Variants in KPNA1 observed in about 807,000 individuals in gnomAD.
KPNA1 encodes the protein karyopherin subunit alpha 1.
In KPNA1, 10 loss-of-function variants were observed where a neutral mutation model predicts 70.5. The ratio of observed to expected loss-of-function variants is 0.14; its 90% confidence interval spans 0.09 to 0.24. The LOEUF (loss-of-function observed/expected upper bound fraction) is 0.24. KPNA1 is among the 10% of genes least tolerant of loss of function. KPNA1 has a pLI of 1.00. For synonymous variants in KPNA1, 192 were observed against 221.9 expected (o/e 0.87, Z 1.20); for missense variants, 397 against 637.9 (o/e 0.62, Z 4.07).
At chr3:122,459,263 C>G (rs966747478) in intron 5 of KPNA1, among the ~76,000 whole-genome samples, 1 of 152,102 alleles carries the variant, frequency 6.6e-6, no homozygotes, top group Non-Finnish European at 1.5e-5. Context: ...ATTTCTCCGA[C>G]TTTTTTCATT....
intron 9 of KPNA1, 60 bp from the exon 10 acceptor site, chr3:122,442,176 C>T: frequency 7.3e-7 from 1 of 1,368,114 alleles, no homozygotes; most frequent in Non-Finnish European, 1.0e-6. Flanking sequence ...CATTTCCTTC[C>T]AAGACCAAAA....
chr3:122,449,476 C>T, intron 9 of KPNA1, 98 bp downstream of exon 9: 1 of 960,844 alleles, frequency 1.0e-6, no homozygotes, highest in Non-Finnish European at 1.5e-6. Context: ...CACAATAAAT[C>T]AATTATCATG....
At chr3:122,431,293 G>A (rs989548375) in intron 12 of KPNA1, among the ~76,000 whole-genome samples, 3 of 152,106 alleles carry the variant, frequency 2.0e-5, no homozygotes, top group African/African-American at 7.2e-5. Context: ...AGCCTCCCAA[G>A]TAGCTGGAAC....
At chr3:122,464,111 A>G (rs1275434513) in intron 3 of KPNA1, 70 bp from the exon 4 acceptor site, 4 of 755,078 alleles carry the variant, frequency 5.3e-6, no homozygotes, top group South Asian at 4.9e-5. Flanking sequence ...AAGATAACAG[A>G]TATCATGGCC....
chr3:122,487,732 T>A (rs1169544313), intron 2 of KPNA1, among the ~76,000 whole-genome samples: 2 of 152,190 alleles, frequency 1.3e-5, no homozygotes, highest in Non-Finnish European at 2.9e-5. Flanking sequence ...GAAAGTAGAA[T>A]GCCAGTTATC....
chr3:122,483,762 A>G (rs2107483403), intron 2 of KPNA1, among the ~76,000 whole-genome samples: 1 of 152,312 alleles, frequency 6.6e-6, no homozygotes, highest in Non-Finnish European at 1.5e-5. Flanking sequence ...TGCTTTTCTT[A>G]AGAGGTGAAA....
At chr3:122,464,308 GC>G in intron 3 of KPNA1, 1 of 314,208 alleles carries the variant, frequency 3.2e-6, no homozygotes, top group East Asian at 5.1e-5. Context: ...TCCCCTCCTT[GC>G]TCATCACATA....
At chr3:122,444,473 A>C (rs2076108912) in intron 9 of KPNA1, among the ~76,000 whole-genome samples, 1 of 152,214 alleles carries the variant, frequency 6.6e-6, no homozygotes, top group Non-Finnish European at 1.5e-5. Flanking sequence ...CAGAGACTGC[A>C]GTAGACACGC....
At chr3:122,447,326 G>A (rs925130762) in intron 9 of KPNA1, among the ~76,000 whole-genome samples, 13 of 152,152 alleles carry the variant, frequency 8.5e-5, no homozygotes, top group African/African-American at 2.9e-4. Flanking sequence ...TATCCACCAC[G>A]ATCAAGTCGG....
rs757888671 is a variant in KPNA1 at position 122,427,732 on chromosome 3, A to G, written c.1251-16T>C. On this transcript the variant is annotated splice_polypyrimidine_tract_variant and intron_variant, in intron 12 of 13. Transcript: ENST00000344337. ...TACTAGGTACCTAAATACAAAGAATAATGTAGTCAAACAAAACTTTTAATT... is the reference window on the plus strand; with the variant it reads ...TACTAGGTACCTAAATACAAAGAATGATGTAGTCAAACAAAACTTTTAATT... The G allele has an allele frequency of 2.0e-6, 3 of 1,497,846 alleles. No homozygotes were observed. The highest frequency in any genetic ancestry group is 2.8e-5 in the African/African-American group (2 of 71,320). 92.8% of individuals were successfully genotyped at this position (1,497,846 alleles called of 1,614,324 possible).
Position 122,438,547 on chromosome 3 carries a change from C to T in KPNA1, c.997-1252G>A, listed in dbSNP as rs147246250. On this transcript the variant is annotated intron_variant, in intron 10 of 13. Coordinates refer to ENST00000344337, the MANE Select transcript of KPNA1 (RefSeq NM_002264.4). ...GATTACAGGCATGCGCCACCACGCC[C>T]GGCTAATTTTGTATTTTTAGTAGAG... Among the ~76,000 whole-genome samples the T allele has an allele frequency of 1.2e-3, 185 of 152,008 alleles. 1 individual carries two copies. Among genetic ancestry groups the T allele is most frequent in the African/African-American group, 4.2e-3 (173 of 41,466 alleles).
intron 9 of KPNA1, among the ~76,000 whole-genome samples, chr3:122,445,892 CTT>C (rs944059578): frequency 6.6e-6 from 1 of 152,076 alleles, no homozygotes; most frequent in African/African-American, 2.4e-5. Flanking sequence ...ATAAAACAAA[CTT>C]TAAACCAACA....
intron 9 of KPNA1, among the ~76,000 whole-genome samples, chr3:122,447,754 G>A (rs896369657): frequency 6.6e-6 from 1 of 152,156 alleles, no homozygotes; most frequent in South Asian, 2.1e-4. Context: ...CAGATGACAT[G>A]ATTCTATATT....
intron 1 of KPNA1, among the ~76,000 whole-genome samples, chr3:122,511,948 C>A (rs1399266344): frequency 6.6e-6 from 1 of 151,762 alleles, no homozygotes; most frequent in Non-Finnish European, 1.5e-5. Context: ...ACTGAAGATG[C>A]AAAGAATAAG....
At chr3:122,427,297 T>G in intron 13 of KPNA1, 125 bp from the exon 14 acceptor site, 1 of 785,780 alleles carries the variant, frequency 1.3e-6, no homozygotes, top group Non-Finnish European at 2.0e-6. Flanking sequence ...GAAAGATTAT[T>G]TGTATCTCAT....
intron 2 of KPNA1, among the ~76,000 whole-genome samples, chr3:122,477,664 G>C (rs755930179): frequency 6.6e-6 from 1 of 150,962 alleles, no homozygotes; most frequent in Non-Finnish European, 1.5e-5. Flanking sequence ...CTGGGCGACA[G>C]AGTAAGACCT....
intron 5 of KPNA1, among the ~76,000 whole-genome samples, chr3:122,458,405 T>C (rs1261860305): frequency 1.3e-5 from 2 of 152,178 alleles, no homozygotes; most frequent in Non-Finnish European, 2.9e-5. Flanking sequence ...AGCACCTGGG[T>C]AGCAATGCTC....
chr3:122,493,326 T>C (rs756270020), intron 2 of KPNA1, among the ~76,000 whole-genome samples: 9 of 145,864 alleles, frequency 6.2e-5, no homozygotes, highest in Admixed American at 1.4e-4. Context: ...GTCTCAGAAA[T>C]ACTACCCCAC....
intron 5 of KPNA1, among the ~76,000 whole-genome samples, chr3:122,455,962 G>A (rs2076260454): frequency 6.6e-6 from 1 of 151,752 alleles, no homozygotes; most frequent in Non-Finnish European, 1.5e-5. Context: ...GAAACTATCT[G>A]AAAAAAAATC....
Sources: gnomAD v4.1 joint callset for allele counts (sites outside exome capture counted in the v4.1 genomes callset) on GRCh38, gnomAD v4.1.1 for gene constraint, MANE v1.5 for transcripts, NCBI Gene and HGNC (gene_info 2026-07-23, HGNC 2026-07-21) for gene names.